USP9X: variants seen among roughly 807,000 people sequenced by gnomAD.
The protein encoded by USP9X is ubiquitin specific peptidase 9 X-linked, also known as ubiquitin carboxyl-terminal hydrolase 9X.
USP9X carries 7 observed loss-of-function variants against 190.3 expected under a neutral mutation model. The ratio of observed to expected loss-of-function variants is 0.04; its 90% CI spans 0.02 to 0.07. USP9X has a LOEUF of 0.07. Among genes scored for constraint, USP9X ranks in the 10% least tolerant of loss-of-function variants. The pLI is 1.00. For missense variants in USP9X, 1,010 were observed against 1,916.9 expected (o/e 0.53, Z 8.83); for synonymous variants, 645 against 659.5 (o/e 0.98, Z 0.34).
chrX:41,157,117 T>C (rs1362949685), intron 14 of USP9X, among the ~76,000 whole-genome samples: 4 of 111,633 alleles, frequency 3.6e-5, no homozygotes, highest in Non-Finnish European at 7.5e-5. Context: ...GCCTCACCAG[T>C]ACAGTGGACT....
chrX:41,107,756 T>G (rs1783922311), intron 1 of USP9X, among the ~76,000 whole-genome samples: 1 of 112,329 alleles, frequency 8.9e-6, no homozygotes, highest in African/African-American at 3.2e-5. Flanking sequence ...TCTGTATCTT[T>G]GCTGATTCTT....
chrX:41,134,655 G>A (rs928789645), intron 4 of USP9X, 70 bp from the exon 5 acceptor site: 3 of 868,206 alleles, frequency 3.5e-6, no homozygotes, highest in South Asian at 4.9e-5. Context: ...ACCTTTTATT[G>A]TATATTGGAC....
intron 1 of USP9X, among the ~76,000 whole-genome samples, chrX:41,101,229 C>A (rs111618634): frequency 0.19 from 21,121 of 109,754 alleles, 1,584 homozygotes; most frequent in Admixed American, 0.26. Flanking sequence ...ATTAGCCCTT[C>A]CGGTGTTAAT....
Position 41,233,894 on chromosome X carries a change from A to G in USP9X, c.*1370A>G, listed in dbSNP as rs1471315122. The G allele has an allele frequency of 8.9e-6, 1 of 112,073 alleles. No homozygotes were observed. The highest frequency in any genetic ancestry group is 1.9e-5 in the Non-Finnish European group (1 of 53,172). 9.2% of individuals were successfully genotyped at this position (112,073 alleles called of 1,213,427 possible). A position where few individuals can be genotyped will look rare whatever the true frequency, so the allele number is the denominator to read the frequency against. On this transcript the variant is annotated 3_prime_UTR_variant, in exon 45 of 45. Transcript: ENST00000378308. ...TGTCTAAAAACCAAATACCCCTGCA[A>G]ACAGATACAGCCCACCCTATTCTAT...
rs923087324 is a variant in USP9X at position 41,130,015 on chromosome X, C to G, written c.242+870C>G. Among the ~76,000 whole-genome samples, 2 of 110,954 alleles carry G rather than the reference C, an allele frequency of 1.8e-5. 1 individual carries two copies. Among genetic ancestry groups the G allele is most frequent in the Non-Finnish European group, 3.8e-5 (2 of 52,962 alleles). On this transcript the variant is annotated intron_variant, in intron 3 of 44. Transcript: ENST00000378308. The stretch of plus-strand genomic sequence containing the variant: ...AGAAATATTTTGTGTAGGTAAATTT[C>G]TCTGTAATTTCCCCCTTACATACAC...
chrX:41,217,297 A>G lies in USP9X; in HGVS notation c.6163A>G (p.Thr2055Ala), dbSNP rs1352131368. The change falls in exon 36 of 45, where the codon ACA (threonine) becomes GCA (alanine). Residue 2055 changes from threonine to alanine, a missense_variant. Transcript: ENST00000378308. Reference sequence around the variant, plus strand: ...ACTTGCTGCTAGGTTCCTCTTTACTACAGGATTTCACACAAAGAAAGTAGT... The same window carrying G: ...ACTTGCTGCTAGGTTCCTCTTTACTGCAGGATTTCACACAAAGAAAGTAGT... ...IQLAARFLFT[T>A]GFHTKKVVRG... is the part of the protein sequence containing the mutation. 1 of 1,210,371 alleles carries G rather than the reference A, an allele frequency of 8.3e-7. No individual in the cohort carries two copies. Among genetic ancestry groups the G allele is most frequent in the East Asian group, 3.0e-5 (1 of 33,799 alleles).
intron 1 of USP9X, among the ~76,000 whole-genome samples, chrX:41,103,183 G>A (rs1435336370): frequency 1.8e-5 from 2 of 112,671 alleles, no homozygotes; most frequent in African/African-American, 6.4e-5. Flanking sequence ...TGTGACTTAT[G>A]TCTAATATTA....
intron 32 of USP9X, 130 bp downstream of exon 32, chrX:41,205,623 A>T: frequency 1.7e-6 from 1 of 579,193 alleles, no homozygotes. Flanking sequence ...AACTGTCCTT[A>T]ATTGGGTGGG....
chrX:41,116,293 C>T (rs891014424), intron 1 of USP9X, among the ~76,000 whole-genome samples: 3 of 112,321 alleles, frequency 2.7e-5, no homozygotes, highest in African/African-American at 9.7e-5. Flanking sequence ...TTGAGCATGC[C>T]TATGGAAAGT....
chrX:41,087,833 C>T (rs932181956), intron 1 of USP9X, among the ~76,000 whole-genome samples: 1 of 111,704 alleles, frequency 9.0e-6, no homozygotes, highest in African/African-American at 3.3e-5. Context: ...TGTTTGCTGA[C>T]CTTGGTAGTT....
chrX:41,191,593 G>C (rs934215532), intron 26 of USP9X, among the ~76,000 whole-genome samples: 1 of 111,801 alleles, frequency 8.9e-6, no homozygotes, highest in Non-Finnish European at 1.9e-5. Flanking sequence ...CTAACACTAA[G>C]ACTGAAGGTT....
chrX:41,110,940 A>G (rs1002599551), intron 1 of USP9X, among the ~76,000 whole-genome samples: 1 of 111,704 alleles, frequency 9.0e-6, no homozygotes, highest in African/African-American at 3.3e-5. Context: ...AGTCTAGGCT[A>G]GAGTGGTTTG....
In USP9X at chrX:41,171,076, T is replaced by G. The variant is rs755997857; in HGVS notation, c.3027+457T>G. On this transcript the variant is annotated intron_variant, in intron 20 of 44. Coordinates refer to ENST00000378308, the MANE Select transcript of USP9X (RefSeq NM_001039591.3). The stretch of plus-strand genomic sequence containing the variant: ...TGTCCACATTTGATTGGGAAAAAAG[T>G]CTGCATGTAAATGGACCTGTGCAGT... Among the ~76,000 whole-genome samples, 62 of 112,175 alleles carry G rather than the reference T, an allele frequency of 5.5e-4. 1 individual carries two copies. The highest frequency in any genetic ancestry group is 2.1e-3 in the Admixed American group (22 of 10,571).
intron 31 of USP9X, among the ~76,000 whole-genome samples, chrX:41,202,227 C>G (rs1304327840): frequency 2.7e-5 from 3 of 111,997 alleles, no homozygotes; most frequent in Non-Finnish European, 5.6e-5. Flanking sequence ...AACAAACTTT[C>G]CCTACTTTAA....
chrX:41,101,541 C>G (rs1026282973), intron 1 of USP9X, among the ~76,000 whole-genome samples: 3 of 111,459 alleles, frequency 2.7e-5, no homozygotes, highest in African/African-American at 9.8e-5. Flanking sequence ...ACCTCCACCT[C>G]CTGGGTTCAA....
chrX:41,118,294 C>T (rs958043907), intron 1 of USP9X, among the ~76,000 whole-genome samples: 1 of 110,471 alleles, frequency 9.1e-6, no homozygotes, highest in Non-Finnish European at 1.9e-5. Flanking sequence ...AACTCCCCAT[C>T]CCCCCAGCCC....
chrX:41,220,057 GT>G (rs1047077918), intron 38 of USP9X, among the ~76,000 whole-genome samples: 1 of 111,580 alleles, frequency 9.0e-6, no homozygotes, highest in East Asian at 2.8e-4. Flanking sequence ...GTCGTTTCAG[GT>G]TTTTTTTCTG....
At chrX:41,191,729 A>G (rs1363281266) in intron 26 of USP9X, among the ~76,000 whole-genome samples, 1 of 112,125 alleles carries the variant, frequency 8.9e-6, no homozygotes, top group Non-Finnish European at 1.9e-5. Context: ...CAAATAAGGC[A>G]GTTCTTGCAC....
At chrX:41,144,679 A>G in intron 11 of USP9X, 53 bp downstream of exon 11, 1 of 964,680 alleles carries the variant, frequency 1.0e-6, no homozygotes, top group Non-Finnish European at 1.5e-6. Context: ...AGAATTGATT[A>G]ATTAGATCTG....
Sources: gnomAD v4.1 joint callset for allele counts (sites outside exome capture counted in the v4.1 genomes callset) on GRCh38, gnomAD v4.1.1 for gene constraint, MANE v1.5 for transcripts, NCBI Gene and HGNC (gene_info 2026-07-23, HGNC 2026-07-21) for gene names.